DCC: variants seen among roughly 807,000 people sequenced by gnomAD.
The protein encoded by DCC is DCC netrin 1 receptor, also known as netrin receptor DCC.
Under a neutral mutation model 172.5 loss-of-function variants are expected in DCC, and 58 were observed. The observed-to-expected ratio is 0.34, with a 90% CI of 0.27 to 0.42. DCC has a LOEUF of 0.42. Ranked by LOEUF, DCC falls within the 10% of genes least tolerant of loss-of-function variation. The probability of loss-of-function intolerance (pLI) is 1.00; values close to 1 mark genes in which losing one functional copy is unlikely to be tolerated. For synonymous variants in DCC, 709 were observed against 644.5 expected (o/e 1.10, Z -1.52); for missense variants, 1,740 against 1,791.0 (o/e 0.97, Z 0.51).
At chr18:52,815,289 A>G (rs1243882953) in intron 2 of DCC, among the ~76,000 whole-genome samples, 3 of 152,120 alleles carry the variant, frequency 2.0e-5, no homozygotes, top group African/African-American at 7.2e-5. Context: ...AATAGGGCCT[A>G]TAAGGAGTTG....
chr18:53,196,032 A>C (rs1026063185), intron 9 of DCC, among the ~76,000 whole-genome samples: 2 of 152,222 alleles, frequency 1.3e-5, no homozygotes, highest in African/African-American at 4.8e-5. Flanking sequence ...CTTTTATCTA[A>C]ACATTTCAAT....
At chr18:53,508,141 C>A (rs1469314560) in intron 27 of DCC, among the ~76,000 whole-genome samples, 1 of 152,076 alleles carries the variant, frequency 6.6e-6, no homozygotes, top group Non-Finnish European at 1.5e-5. Context: ...GATCTGCCCG[C>A]CTCGGCCTCC....
chr18:53,235,210 G>A (rs780506670), intron 12 of DCC, among the ~76,000 whole-genome samples: 2 of 152,056 alleles, frequency 1.3e-5, no homozygotes, highest in African/African-American at 4.8e-5. Flanking sequence ...TTTTTATTTA[G>A]TTACCTAATG....
intron 5 of DCC, among the ~76,000 whole-genome samples, chr18:53,061,599 A>T (rs141646279): frequency 6.6e-6 from 1 of 152,172 alleles, no homozygotes; most frequent in African/African-American, 2.4e-5. Context: ...TATCACAATT[A>T]TCTCTCAGGC....
intron 5 of DCC, among the ~76,000 whole-genome samples, chr18:53,023,442 G>C: frequency 7.7e-6 from 1 of 129,970 alleles, no homozygotes; most frequent in Non-Finnish European, 1.6e-5. Context: ...TTCTTCTTAT[G>C]CAGCCCAGAT....
chr18:52,433,095 C>T (rs1375125699), intron 1 of DCC, among the ~76,000 whole-genome samples: 1 of 151,996 alleles, frequency 6.6e-6, no homozygotes, highest in African/African-American at 2.4e-5. Context: ...ATGATGTGAG[C>T]ATTATATTCA....
chr18:53,472,938 C>A (rs1219457324), intron 25 of DCC, among the ~76,000 whole-genome samples: 1 of 152,174 alleles, frequency 6.6e-6, no homozygotes, highest in East Asian at 1.9e-4. Context: ...TGTACCCAGA[C>A]TCATGCTAAG....
chr18:52,836,097 T>A (rs2038699696), intron 2 of DCC, among the ~76,000 whole-genome samples: 1 of 152,166 alleles, frequency 6.6e-6, no homozygotes, highest in East Asian at 1.9e-4. Flanking sequence ...GGAAGCCTGT[T>A]ATAAAGCCAT....
At chr18:52,760,319 C>A (rs2037139943) in intron 2 of DCC, among the ~76,000 whole-genome samples, 3 of 152,182 alleles carry the variant, frequency 2.0e-5, no homozygotes, top group African/African-American at 4.8e-5. Flanking sequence ...TGGGGAACAA[C>A]CCCCATGGCT....
intron 1 of DCC, among the ~76,000 whole-genome samples, chr18:52,544,884 T>C (rs1051816686): frequency 1.3e-5 from 2 of 152,172 alleles, no homozygotes; most frequent in African/African-American, 4.8e-5. Context: ...TAACCATTAT[T>C]CTCACCCATT....
intron 1 of DCC, among the ~76,000 whole-genome samples, chr18:52,503,701 C>A (rs981343936): frequency 6.6e-6 from 1 of 152,060 alleles, no homozygotes; most frequent in Non-Finnish European, 1.5e-5. Flanking sequence ...TCTTAACTAG[C>A]CAGTCCATTC....
chr18:52,499,305 G>A (rs2030931701), intron 1 of DCC, among the ~76,000 whole-genome samples: 1 of 152,088 alleles, frequency 6.6e-6, no homozygotes, highest in South Asian at 2.1e-4. Flanking sequence ...GGATCCTTAT[G>A]CATCCTTTTG....
chr18:53,430,377 C>A (rs73461189), intron 21 of DCC, among the ~76,000 whole-genome samples: 1 of 152,024 alleles, frequency 6.6e-6, no homozygotes, highest in Non-Finnish European at 1.5e-5. Flanking sequence ...ATTAAACAAA[C>A]GATTAGAACT....
At chr18:52,761,781 C>T (rs2037163592) in intron 2 of DCC, among the ~76,000 whole-genome samples, 1 of 151,708 alleles carries the variant, frequency 6.6e-6, no homozygotes, top group African/African-American at 2.4e-5. Flanking sequence ...TGAAAAATTC[C>T]CTCTGTAGTC....
intron 1 of DCC, among the ~76,000 whole-genome samples, chr18:52,586,098 AAAAAAAAAAAC>A (rs1229566637): frequency 2.6e-5 from 4 of 151,240 alleles, no homozygotes; most frequent in African/African-American, 7.3e-5. Flanking sequence ...AAAAAAAAAA[AAAAAAAAAAAC>A]AAAAACACTG....
At chr18:53,381,896 A>C (rs1907771164) in intron 15 of DCC, among the ~76,000 whole-genome samples, 1 of 152,062 alleles carries the variant, frequency 6.6e-6, no homozygotes, top group Admixed American at 6.6e-5. Context: ...TTTCCAGATA[A>C]TCTGACAAAA....
intron 1 of DCC, among the ~76,000 whole-genome samples, chr18:52,434,780 A>G (rs546613348): frequency 6.6e-6 from 1 of 152,040 alleles, no homozygotes; most frequent in Non-Finnish European, 1.5e-5. Context: ...TAACACTGTT[A>G]CATACTAGAC....
intron 1 of DCC, among the ~76,000 whole-genome samples, chr18:52,657,060 A>G (rs183994564): frequency 3.9e-5 from 6 of 152,308 alleles, no homozygotes; most frequent in African/African-American, 1.4e-4. Context: ...TCCCTTATGT[A>G]GTGATAGAGA....
Position 53,406,517 on chromosome 18 carries a change from C to A in DCC, c.2935+3624C>A, listed in dbSNP as rs997508050. Reference sequence around the variant, plus strand: ...GTCATGAGTTCAAAACCAGCCTGGCCAACAAGGTGAAACCCCGACTCTACT... The same window carrying A: ...GTCATGAGTTCAAAACCAGCCTGGCAAACAAGGTGAAACCCCGACTCTACT... On this transcript the variant is annotated intron_variant, in intron 19 of 28. Coordinates refer to ENST00000442544, the MANE Select transcript of DCC (RefSeq NM_005215.4). Among the ~76,000 whole-genome samples, 5 of 151,774 alleles carry A rather than the reference C, an allele frequency of 3.3e-5. No individual in the cohort carries two copies. In the East Asian group the frequency reaches 9.7e-4, roughly 29 times the overall value.
Sources: allele counts gnomAD v4.1 joint callset (sites outside exome capture counted in the v4.1 genomes callset), GRCh38; gene constraint gnomAD v4.1.1; transcripts MANE v1.5; gene names NCBI Gene and HGNC (gene_info 2026-07-23, HGNC 2026-07-21).